Variants in DOCK11 observed in about 807,000 individuals in gnomAD.
DOCK11 encodes the protein dedicator of cytokinesis 11.
DOCK11 carries 70 observed loss-of-function variants against 169.1 expected under a neutral mutation model. The ratio of observed to expected loss-of-function variants is 0.41; its 90% CI spans 0.34 to 0.51. DOCK11 has a LOEUF of 0.51. Ranked by LOEUF, DOCK11 falls within the 20% of genes least tolerant of loss-of-function variation. The pLI is 0.10. For missense variants in DOCK11, 1,166 were observed against 1,538.8 expected (o/e 0.76, Z 4.05); for synonymous variants, 529 against 541.3 (o/e 0.98, Z 0.32).
intron 23 of DOCK11, among the ~76,000 whole-genome samples, chrX:118,600,408 T>TA (rs1569426706): frequency 7.9e-5 from 7 of 88,387 alleles, no homozygotes; most frequent in Admixed American, 1.3e-4. Context: ...TTCTTTTTTT[T>TA]TAAAAAAAAA....
At chrX:118,499,181 T>C (rs1012142380) in intron 1 of DOCK11, among the ~76,000 whole-genome samples, 10 of 112,295 alleles carry the variant, frequency 8.9e-5, no homozygotes, top group East Asian at 5.5e-4. Context: ...ATTGATTTTG[T>C]TGTAATTCAG....
At chrX:118,559,774 A>G (rs1048779406) in intron 6 of DOCK11, among the ~76,000 whole-genome samples, 1 of 111,490 alleles carries the variant, frequency 9.0e-6, no homozygotes, top group Non-Finnish European at 1.9e-5. Flanking sequence ...TATAATCACC[A>G]TTATGATTAA....
chrX:118,628,587 G>A (rs755752298), intron 34 of DOCK11, among the ~76,000 whole-genome samples: 10 of 112,355 alleles, frequency 8.9e-5, no homozygotes, highest in South Asian at 3.7e-4. Context: ...TATTTAAAAC[G>A]AAGCACATCC....
At chrX:118,661,227 G>A (rs1345470507) in intron 44 of DOCK11, among the ~76,000 whole-genome samples, 1 of 106,787 alleles carries the variant, frequency 9.4e-6, no homozygotes. Context: ...AAAAAAAAAA[G>A]TATTTCAAAA....
At chrX:118,639,961 ATTC>A (rs2015488915) in intron 38 of DOCK11, among the ~76,000 whole-genome samples, 2 of 112,454 alleles carry the variant, frequency 1.8e-5, no homozygotes, top group South Asian at 7.2e-4. Flanking sequence ...TATATTGAGT[ATTC>A]TTCATTCCTA....
chrX:118,619,430 G>A (rs2014906723), intron 31 of DOCK11, among the ~76,000 whole-genome samples: 1 of 95,017 alleles, frequency 1.1e-5, no homozygotes, highest in Admixed American at 1.2e-4. Context: ...GCAGTGAGCT[G>A]AGATCATGCC....
intron 40 of DOCK11, among the ~76,000 whole-genome samples, chrX:118,647,285 T>G (rs2015702309): frequency 9.7e-6 from 1 of 103,334 alleles, no homozygotes; most frequent in Non-Finnish European, 2.0e-5. Context: ...ATAAAGGAAC[T>G]GTTGAAATAT....
In DOCK11 at chrX:118,597,306, C is replaced by A. The variant is rs1472720832; in HGVS notation, c.2264-125C>A. The A allele has an allele frequency of 4.4e-6, 4 of 902,188 alleles. No homozygotes were observed. The African/African-American group carries it at 7.9e-5, about 18-fold the overall frequency. The allele number at this position is 902,188 out of a possible 1,213,427, so 74.4% of individuals were successfully genotyped here. ...TTCCCCAGTACTCAGTTGCCCAGCA[C>A]CTGAACTCCCACATACAGATCCCTG... On this transcript the variant is annotated intron_variant, in intron 20 of 52. Transcript: ENST00000276202.
chrX:118,568,370 TTATATATATATA>T (rs397839351), intron 10 of DOCK11, among the ~76,000 whole-genome samples: 1,311 of 36,635 alleles, frequency 0.036, 41 homozygotes, highest in South Asian at 0.076. Context: ...TGGGGCTGAA[TTATATATATATA>T]TATATATATA....
intron 1 of DOCK11, among the ~76,000 whole-genome samples, chrX:118,515,566 A>G (rs2057677553): frequency 9.0e-6 from 1 of 111,086 alleles, no homozygotes; most frequent in South Asian, 3.8e-4. Context: ...CCCTTTGGCC[A>G]TATATCATTT....
chrX:118,672,308 T>A (rs914573090), intron 46 of DOCK11, among the ~76,000 whole-genome samples: 1 of 113,094 alleles, frequency 8.8e-6, no homozygotes, highest in South Asian at 3.6e-4. Context: ...CAGGATTTTT[T>A]AAATATTCAA....
chrX:118,608,060 A>G lies in DOCK11; in HGVS notation c.2682-12A>G, dbSNP rs2014578926. The G allele has an allele frequency of 5.1e-6, 6 of 1,179,085 alleles. No homozygotes were observed. The African/African-American group carries it at 5.4e-5, about 11-fold the overall frequency. On this transcript the variant is annotated splice_polypyrimidine_tract_variant and intron_variant, in intron 24 of 52. Coordinates refer to ENST00000276202, the MANE Select transcript of DOCK11 (RefSeq NM_144658.4). Reference sequence around the variant, plus strand: ...TAGCATGACATGCTGACTCTTGTGAATGTCGTTTCAGGGTTCTCTTACATA... The same window carrying G: ...TAGCATGACATGCTGACTCTTGTGAGTGTCGTTTCAGGGTTCTCTTACATA...
chrX:118,581,805 TAAAAAAAAAAAAAAAAAAAA>T (rs35095116), intron 14 of DOCK11, among the ~76,000 whole-genome samples: 4 of 12,746 alleles, frequency 3.1e-4, no homozygotes, highest in African/African-American at 6.6e-4. Flanking sequence ...CTCCGTCTCC[TAAAAAAAAAAAAAAAAAAAA>T]AAAAAAAAAA....
intron 18 of DOCK11, 134 bp from the exon 19 acceptor site, chrX:118,590,076 C>T: frequency 2.0e-6 from 1 of 489,916 alleles, no homozygotes; most frequent in South Asian, 3.2e-5. Context: ...TGGGAATTTA[C>T]AGGCTCACGG....
At position 118,636,373 on chromosome X, in the gene DOCK11, T is replaced by G; in HGVS notation, c.3914T>G (p.Val1305Gly). 2 of 1,101,525 alleles carry G rather than the reference T, an allele frequency of 1.8e-6. No homozygotes were observed. The highest frequency in any genetic ancestry group is 2.5e-6 in the Non-Finnish European group (2 of 812,051). 90.8% of individuals were successfully genotyped at this position (1,101,525 alleles called of 1,213,427 possible). A position where few individuals can be genotyped will look rare whatever the true frequency, so the allele number is the denominator to read the frequency against. The change falls in exon 36 of 53, where the codon GTA becomes GGA. Residue 1305 changes from valine to glycine, a missense_variant. Transcript: ENST00000276202. ...EDTLLTYWNK[V>G]SPQELINILI... Reference sequence around the variant, plus strand: ...ACTCTCTTAACTTACTGGAATAAAGTATCACCTCAGGAGCTCATAAACATT... The same window carrying G: ...ACTCTCTTAACTTACTGGAATAAAGGATCACCTCAGGAGCTCATAAACATT...
rs150518651 is a variant in DOCK11 at position 118,574,435 on chromosome X, G to A, written c.1389+417G>A. On this transcript the variant is annotated intron_variant, in intron 12 of 52. Transcript: ENST00000276202. ...ACCAAAAAAATTAGCCAGGCGTGGTGATGTGCGCCTGTAATCCTAGCTACT... is the reference window on the plus strand; with the variant it reads ...ACCAAAAAAATTAGCCAGGCGTGGTAATGTGCGCCTGTAATCCTAGCTACT... 5.6e-3 allele frequency among the ~76,000 whole-genome samples: 622 copies of A among 111,278 alleles called. 4 individuals are homozygous for A. The highest frequency in any genetic ancestry group is 9.5e-3 in the South Asian group (25 of 2,627).
chrX:118,666,621 G>A lies in DOCK11; in HGVS notation c.5076+3829G>A, dbSNP rs2016344074. Among the ~76,000 whole-genome samples the A allele has an allele frequency of 3.6e-5, 4 of 111,950 alleles. No individual in the cohort carries two copies. In the South Asian group the frequency reaches 1.5e-3, roughly 42 times the overall value. Reference sequence around the variant, plus strand: ...CAAATTTTAAATCCATTCAGTTGATGGATTTTGAATTGTTTCCAGTTTCAG... The same window carrying A: ...CAAATTTTAAATCCATTCAGTTGATAGATTTTGAATTGTTTCCAGTTTCAG... On this transcript the variant is annotated intron_variant, in intron 45 of 52. Transcript: ENST00000276202.
At chrX:118,640,399 C>T (rs186687059) in intron 38 of DOCK11, among the ~76,000 whole-genome samples, 3 of 112,364 alleles carry the variant, frequency 2.7e-5, no homozygotes, top group Non-Finnish European at 5.6e-5. Context: ...TTTAAATCTG[C>T]ATGTTTTAAA....
At chrX:118,515,545 G>A (rs376663426) in intron 1 of DOCK11, among the ~76,000 whole-genome samples, 1 of 111,173 alleles carries the variant, frequency 9.0e-6, no homozygotes, top group African/African-American at 3.3e-5. Flanking sequence ...TTTATTTCAC[G>A]TCTGTAAAGA....
Sources: allele counts gnomAD v4.1 joint callset (sites outside exome capture counted in the v4.1 genomes callset), GRCh38; gene constraint gnomAD v4.1.1; transcripts MANE v1.5; gene names NCBI Gene and HGNC (gene_info 2026-07-23, HGNC 2026-07-21).